Variants in G3BP1 observed in about 807,000 individuals in gnomAD.
G3BP1 encodes the protein G3BP stress granule assembly factor 1.
A neutral mutation model predicts 58.6 loss-of-function variants in G3BP1; 35 were observed. That is an observed-to-expected ratio of 0.60 (90% CI 0.46 to 0.79). The LOEUF (loss-of-function observed/expected upper bound fraction) is 0.79. Ranked by LOEUF, G3BP1 falls within the 30% of genes least tolerant of loss-of-function variation. The pLI, the probability that G3BP1 is intolerant of heterozygous loss-of-function variation, is 0.00. For synonymous variants in G3BP1, 191 were observed against 195.4 expected, an observed-to-expected ratio of 0.98 and a Z score of 0.19; for missense variants, 523 against 580.8, an observed-to-expected ratio of 0.90 and a Z score of 1.02.
chr5:151,802,838 C>G (rs1165979398), intron 11 of G3BP1, among the ~76,000 whole-genome samples: 1 of 152,180 alleles, frequency 6.6e-6, no homozygotes, highest in Admixed American at 6.5e-5. Flanking sequence ...GAGACTGAGG[C>G]AGGAGAATGG....
intron 5 of G3BP1, 22 bp from the exon 6 acceptor site, chr5:151,795,457 T>C: frequency 3.1e-6 from 4 of 1,270,818 alleles, no homozygotes; most frequent in Non-Finnish European, 4.6e-6. Context: ...CAAATTACTT[T>C]AAATATCTTT....
intron 1 of G3BP1, among the ~76,000 whole-genome samples, chr5:151,783,220 AGAGT>A (rs1457165162): frequency 1.3e-5 from 2 of 152,116 alleles, no homozygotes; most frequent in Admixed American, 6.5e-5. Flanking sequence ...TAGAATTGAG[AGAGT>A]GAGAATTCTT....
chr5:151,800,374 T>C (rs1296745483), intron 10 of G3BP1, 28 bp downstream of exon 10: 1 of 1,576,270 alleles, frequency 6.3e-7, no homozygotes. Context: ...GAACACTAAA[T>C]TCATCTAGTG....
In G3BP1 at chr5:151,806,237, CAG is replaced by C. The variant is rs1762936925; in HGVS notation, c.*2148_*2149del. The C allele has an allele frequency of 6.6e-6, 1 of 152,144 alleles. No individual in the cohort carries two copies. The highest frequency in any genetic ancestry group is 2.4e-5 in the African/African-American group (1 of 41,428). 9.4% of individuals were successfully genotyped at this position (152,144 alleles called of 1,614,324 possible). A position where few individuals can be genotyped will look rare whatever the true frequency, so the allele number is the denominator to read the frequency against. ...GACTCATTCTTTTGAAACTCAGCCT[CAG>C]ATAAATAACAAACTAGGAAATGGAA... On this transcript the variant is annotated 3_prime_UTR_variant, in exon 12 of 12. Coordinates refer to ENST00000356245, the MANE Select transcript of G3BP1 (RefSeq NM_005754.3).
chr5:151,807,759 G>T lies in G3BP1; in HGVS notation c.*3668G>T, dbSNP rs1762959284. Reference sequence around the variant, plus strand: ...AGAATTTAACGATTTAATGGAAAATGTTGCACTTTATAGAAGGCCATTTTA... The same window carrying T: ...AGAATTTAACGATTTAATGGAAAATTTTGCACTTTATAGAAGGCCATTTTA... On this transcript the variant is annotated 3_prime_UTR_variant, in exon 12 of 12. Coordinates refer to ENST00000356245, the MANE Select transcript of G3BP1 (RefSeq NM_005754.3). 1 of 152,196 alleles carries T rather than the reference G, an allele frequency of 6.6e-6. No individual in the cohort carries two copies. Among genetic ancestry groups the T allele is most frequent in the Non-Finnish European group, 1.5e-5 (1 of 68,034 alleles). The allele number at this position is 152,196 out of a possible 1,614,324, so 9.4% of individuals were successfully genotyped here. A position where few individuals can be genotyped will look rare whatever the true frequency, so the allele number is the denominator to read the frequency against.
At chr5:151,791,626 T>G (rs567143505) in intron 4 of G3BP1, 37 of 156,822 alleles carry the variant, frequency 2.4e-4, no homozygotes, top group Non-Finnish European at 4.4e-4. Context: ...ATTAGTTAGG[T>G]TTTGCCACTG....
In G3BP1 at chr5:151,791,051, C is replaced by G. The variant is rs1264761269; in HGVS notation, c.340C>G (p.Leu114Val). 6.2e-7 allele frequency: 1 copy of G among 1,613,214 alleles called. No homozygotes were observed. Among genetic ancestry groups the G allele is most frequent in the South Asian group, 1.1e-5 (1 of 91,066 alleles). The change falls in exon 4 of 12, where the codon CTT becomes GTT. Residue 114 changes from leucine to valine, a missense_variant. Transcript: ENST00000356245. ...GAGGAGATTCATGCAAACGTTTGTC[C>G]TTGCTCCTGAGGTATGTGTAGGAAT... Reference protein sequence around the residue: ...ALRRFMQTFVLAPEGSVANKF... With the variant: ...ALRRFMQTFVVAPEGSVANKF...
In G3BP1 at chr5:151,794,165, G is replaced by C. The variant is rs746510780; in HGVS notation, c.358G>C (p.Val120Leu). The change falls in exon 5 of 12, where the codon GTT (valine) becomes CTT (leucine). Residue 120 changes from valine to leucine, a missense_variant. By Grantham distance (32) the Val-to-Leu change is conservative. Transcript: ENST00000356245. ...QTFVLAPEGS[V>L]ANKFYVHNDI... ...CTTTCTGTTGGCATTGCAGGGGTCT[G>C]TTGCAAATAAATTCTATGTTCACAA... The C allele has an allele frequency of 1.9e-6, 3 of 1,600,470 alleles. No individual in the cohort carries two copies. The highest frequency in any genetic ancestry group is 1.3e-5 in the African/African-American group (1 of 74,666).
rs761410439 is a variant in G3BP1 at position 151,799,208 on chromosome 5, T to G, written c.742-4T>G. The G allele has an allele frequency of 1.4e-6, 2 of 1,477,708 alleles. No individual in the cohort carries two copies. Among genetic ancestry groups the G allele is most frequent in the South Asian group, 2.3e-5 (2 of 88,466 alleles). The allele number at this position is 1,477,708 out of a possible 1,614,324, so 91.5% of individuals were successfully genotyped here. On this transcript the variant is annotated splice_polypyrimidine_tract_variant and splice_region_variant and intron_variant, in intron 7 of 11. Coordinates refer to ENST00000356245, the MANE Select transcript of G3BP1 (RefSeq NM_005754.3). ...ATTATGTAATGTTGGTATTGCTCCC[T>G]TAGACATTTTCTTGGGCATCTGTGA... is the stretch of plus-strand genomic sequence containing the variant.
intron 4 of G3BP1, chr5:151,791,559 G>A (rs918430044): frequency 6.3e-6 from 1 of 158,770 alleles, no homozygotes; most frequent in African/African-American, 2.4e-5. Context: ...CTTTATGGGT[G>A]TCATTCAGTG....
chr5:151,810,522 C>A lies in G3BP1; in HGVS notation c.*6431C>A, dbSNP rs1763004157. ...TCCAACCTTCATTTCTGAAACTGTT[C>A]TAGAGCACTTTGTCTTTCTCGTAGT... On this transcript the variant is annotated 3_prime_UTR_variant, in exon 12 of 12. Transcript: ENST00000356245. 6.6e-6 allele frequency: 1 copy of A among 152,226 alleles called. No individual in the cohort carries two copies. Among genetic ancestry groups the A allele is most frequent in the Non-Finnish European group, 1.5e-5 (1 of 68,052 alleles). 9.4% of individuals were successfully genotyped at this position (152,226 alleles called of 1,614,324 possible). A position where few individuals can be genotyped will look rare whatever the true frequency, so the allele number is the denominator to read the frequency against.
At chr5:151,797,924 CCTT>C (rs1219840173) in intron 7 of G3BP1, among the ~76,000 whole-genome samples, 1 of 152,128 alleles carries the variant, frequency 6.6e-6, no homozygotes, top group Admixed American at 6.5e-5. Context: ...TTCAGTTTGT[CCTT>C]CTGAGTCTCG....
chr5:151,797,609 A>G (rs2113244855), intron 7 of G3BP1, among the ~76,000 whole-genome samples, 181 bp downstream of exon 7: 1 of 152,312 alleles, frequency 6.6e-6, no homozygotes, highest in East Asian at 1.9e-4. Context: ...GATGTGTATT[A>G]GTTTATTTCA....
chr5:151,779,559 T>C (rs1299545272), intron 1 of G3BP1, among the ~76,000 whole-genome samples: 1 of 152,220 alleles, frequency 6.6e-6, no homozygotes, highest in East Asian at 1.9e-4. Flanking sequence ...GTATCTGGTA[T>C]TTGTGTATAC....
intron 1 of G3BP1, among the ~76,000 whole-genome samples, chr5:151,776,645 C>CT (rs1403728683): frequency 1.3e-5 from 2 of 151,626 alleles, no homozygotes; most frequent in East Asian, 1.9e-4. Flanking sequence ...CATGTTTTTT[C>CT]TTTTTTTCAT....
intron 1 of G3BP1, among the ~76,000 whole-genome samples, chr5:151,781,770 A>G (rs1762475519): frequency 6.6e-6 from 1 of 152,242 alleles, no homozygotes; most frequent in South Asian, 2.1e-4. Flanking sequence ...CTTTAGCTTT[A>G]TTGTAAGAAT....
At chr5:151,802,821 T>C (rs1762876113) in intron 11 of G3BP1, among the ~76,000 whole-genome samples, 1 of 152,154 alleles carries the variant, frequency 6.6e-6, no homozygotes, top group African/African-American at 2.4e-5. Context: ...TAGTCCCAGC[T>C]ACTCGGGAGA....
At chr5:151,799,591 G>A (rs940144396) in intron 8 of G3BP1, among the ~76,000 whole-genome samples, 12 of 152,036 alleles carry the variant, frequency 7.9e-5, no homozygotes, top group African/African-American at 2.4e-5. Context: ...AAGCTGAGGT[G>A]GGAGGATTGC....
In G3BP1 at chr5:151,782,849, CTTTTTTTTTTTT is replaced by C. The variant is rs796501774; in HGVS notation, c.-49-3708_-49-3697del. Among the ~76,000 whole-genome samples the C allele has an allele frequency of 7.1e-3, 523 of 73,954 alleles. 7 individuals carry two copies. The highest frequency in any genetic ancestry group is 0.025 in the African/African-American group (455 of 18,288). The allele number at this position is 73,954 out of a possible 152,430, so 48.5% of individuals were successfully genotyped here. Reference sequence around the variant, plus strand: ...AAACACTGTCTTTTCTGTGACTCATCTTTTTTTTTTTTTTTTTTTTTTTTTTGAGATGGACTC... The same window carrying C: ...AAACACTGTCTTTTCTGTGACTCATCTTTTTTTTTTTTTTGAGATGGACTC... On this transcript the variant is annotated intron_variant, in intron 1 of 11. Transcript: ENST00000356245.
Sources: allele counts gnomAD v4.1 joint callset (sites outside exome capture counted in the v4.1 genomes callset), GRCh38; gene constraint gnomAD v4.1.1; transcripts MANE v1.5; gene names NCBI Gene and HGNC (gene_info 2026-07-23, HGNC 2026-07-21).